The following MALRD1 variants were observed in gnomAD, a reference collection of about 807,000 sequenced individuals.
The protein encoded by MALRD1 is MAM and LDL-receptor class A domain-containing protein 1.
In MALRD1, 247 loss-of-function variants were observed where a neutral mutation model predicts 242.1. The ratio of observed to expected loss-of-function variants is 1.02; its 90% CI spans 0.92 to 1.13. The LOEUF is 1.13. MALRD1 is among the 50% of genes most tolerant of loss of function. MALRD1 has a pLI of 0.00. For synonymous variants in MALRD1, 995 were observed against 866.6 expected, an observed-to-expected ratio of 1.15 and a Z score of -2.60; for missense variants, 2,989 against 2,533.1, an observed-to-expected ratio of 1.18 and a Z score of -3.86.
chr10:19,333,989 G>A (rs1412175189), intron 24 of MALRD1, among the ~76,000 whole-genome samples: 1 of 151,594 alleles, frequency 6.6e-6, no homozygotes, highest in Non-Finnish European at 1.5e-5. Flanking sequence ...CTTTTTAATG[G>A]GGTTGTTTTT....
At chr10:19,379,684 G>C (rs1026213296) in intron 26 of MALRD1, among the ~76,000 whole-genome samples, 1 of 152,064 alleles carries the variant, frequency 6.6e-6, no homozygotes, top group African/African-American at 2.4e-5. Context: ...ATTGAAACCT[G>C]TTTTATGGCC....
chr10:19,585,554 C>T (rs1305551172), intron 33 of MALRD1, among the ~76,000 whole-genome samples: 1 of 151,940 alleles, frequency 6.6e-6, no homozygotes, highest in African/African-American at 2.4e-5. Flanking sequence ...AATATTGGCC[C>T]CCACTCTCTT....
intron 18 of MALRD1, among the ~76,000 whole-genome samples, chr10:19,236,819 A>G (rs1032269657): frequency 8.5e-5 from 13 of 152,128 alleles, no homozygotes; most frequent in Admixed American, 3.3e-4. Context: ...AGCATATTAC[A>G]TAAAATATAT....
chr10:19,172,409 A>T (rs1588650165), intron 13 of MALRD1, among the ~76,000 whole-genome samples: 1 of 151,612 alleles, frequency 6.6e-6, no homozygotes, highest in Non-Finnish European at 1.5e-5. Flanking sequence ...TTATGAATTT[A>T]ACTATGTAGA....
chr10:19,711,450 A>C (rs1834109713), intron 38 of MALRD1, among the ~76,000 whole-genome samples: 3 of 152,250 alleles, frequency 2.0e-5, no homozygotes, highest in African/African-American at 7.2e-5. Context: ...AGGTATATAT[A>C]AAAGCAAATA....
intron 36 of MALRD1, among the ~76,000 whole-genome samples, chr10:19,663,472 T>A (rs2131738735): frequency 6.6e-6 from 1 of 152,304 alleles, no homozygotes; most frequent in East Asian, 1.9e-4. Context: ...TTGTGAATAG[T>A]GCTGCAGTGA....
chr10:19,604,519 G>T (rs961738685), intron 34 of MALRD1, among the ~76,000 whole-genome samples: 28 of 152,266 alleles, frequency 1.8e-4, no homozygotes, highest in Admixed American at 4.6e-4. Flanking sequence ...TTGAAGGAAA[G>T]AAACTATCAC....
At chr10:19,099,887 C>G (rs186926942) in intron 4 of MALRD1, among the ~76,000 whole-genome samples, 3 of 151,604 alleles carry the variant, frequency 2.0e-5, no homozygotes, top group East Asian at 3.9e-4. Flanking sequence ...CTCAGCCTCC[C>G]GAGGCTGGGA....
rs1244805027 is a variant in MALRD1, at chr10:19,734,155, A to G, written c.6391-2A>G. ...CCTTTCAAATGTGTTTTTCTTCGTC[A>G]GAGTTCTGTCTATTCCTTCTCAAAC... On this transcript the variant is annotated splice_acceptor_variant, in intron 39 of 39. Transcript: ENST00000454679. LOFTEE classifies it high-confidence loss of function. 11 of 1,530,444 alleles carry G rather than the reference A, an allele frequency of 7.2e-6. No individual in the cohort carries two copies. The highest frequency in any genetic ancestry group is 2.0e-5 in the Admixed American group (1 of 49,710). 94.8% of individuals were successfully genotyped at this position (1,530,444 alleles called of 1,614,324 possible). A position where few individuals can be genotyped will look rare whatever the true frequency, so the allele number is the denominator to read the frequency against.
Position 19,415,864 on chromosome 10 carries a change from C to A in MALRD1, c.4845+26255C>A, listed in dbSNP as rs559718231. Among the ~76,000 whole-genome samples, 3 of 152,278 alleles carry A rather than the reference C, an allele frequency of 2.0e-5. No individual in the cohort carries two copies. The East Asian group carries it at 5.8e-4, about 29-fold the overall frequency. On this transcript the variant is annotated intron_variant, in intron 28 of 39. Transcript: ENST00000454679. ...GTAAATCTTTGTAAACAGCAGCCAT[C>A]AGTTTTCTGTGTTGTTCACACGTGA...
chr10:19,543,031 T>G (rs2131380874), intron 32 of MALRD1, among the ~76,000 whole-genome samples: 1 of 152,268 alleles, frequency 6.6e-6, no homozygotes. Context: ...CATTTTTTGT[T>G]GGATTCATAT....
chr10:19,693,671 A>G (rs551834503), intron 38 of MALRD1, among the ~76,000 whole-genome samples: 6 of 152,278 alleles, frequency 3.9e-5, no homozygotes, highest in South Asian at 2.1e-4. Flanking sequence ...TATAGATTCA[A>G]TGCCATCCCC....
chr10:19,677,954 G>T (rs79993259), intron 36 of MALRD1, among the ~76,000 whole-genome samples: 1 of 152,068 alleles, frequency 6.6e-6, no homozygotes, highest in Non-Finnish European at 1.5e-5. Flanking sequence ...TTTTTTGTCA[G>T]GTTTGTCAAA....
intron 31 of MALRD1, among the ~76,000 whole-genome samples, chr10:19,505,538 C>T (rs551312285): frequency 7.2e-5 from 11 of 152,248 alleles, no homozygotes; most frequent in African/African-American, 2.6e-4. Flanking sequence ...TCTTGGACTT[C>T]CAGCCTTCAG....
chr10:19,164,120 A>T (rs1219788562), intron 12 of MALRD1, among the ~76,000 whole-genome samples: 1 of 152,220 alleles, frequency 6.6e-6, no homozygotes, highest in Non-Finnish European at 1.5e-5. Context: ...TTTTGTTTCT[A>T]ACTCACCTGT....
intron 29 of MALRD1, among the ~76,000 whole-genome samples, chr10:19,480,196 G>A (rs780593742): frequency 9.2e-5 from 14 of 152,202 alleles, no homozygotes; most frequent in Non-Finnish European, 1.5e-4. Context: ...AAACTAGGAG[G>A]CAAAGAAAGA....
At chr10:19,403,540 G>A (rs372641980) in intron 28 of MALRD1, among the ~76,000 whole-genome samples, 1 of 152,110 alleles carries the variant, frequency 6.6e-6, no homozygotes, top group Non-Finnish European at 1.5e-5. Flanking sequence ...CTTATGAGCT[G>A]AGGGATCATT....
At chr10:19,322,845 C>T (rs1207813644) in intron 21 of MALRD1, among the ~76,000 whole-genome samples, 1 of 152,138 alleles carries the variant, frequency 6.6e-6, no homozygotes, top group East Asian at 1.9e-4. Flanking sequence ...TCTGTAGTTT[C>T]TAGCATCTAT....
At chr10:19,726,383 A>G (rs1443527153) in intron 38 of MALRD1, among the ~76,000 whole-genome samples, 1 of 152,220 alleles carries the variant, frequency 6.6e-6, no homozygotes, top group Non-Finnish European at 1.5e-5. Flanking sequence ...AATCAGTACC[A>G]CAATTACATA....
Sources: allele counts gnomAD v4.1 joint callset (sites outside exome capture counted in the v4.1 genomes callset), GRCh38; gene constraint gnomAD v4.1.1; transcripts MANE v1.5; gene names NCBI Gene and HGNC (gene_info 2026-07-23, HGNC 2026-07-21).